Variants in KIAA1958 observed in about 807,000 individuals in gnomAD.
The protein encoded by KIAA1958 is uncharacterized protein KIAA1958.
KIAA1958 carries 14 observed loss-of-function variants against 47.2 expected under a neutral mutation model. The observed-to-expected ratio is 0.30, with a 90% CI of 0.20 to 0.46. The LOEUF is 0.46. Ranked by LOEUF, KIAA1958 falls within the 20% of genes least tolerant of loss-of-function variation. KIAA1958 has a pLI of 1.00. For synonymous variants in KIAA1958, 354 were observed against 353.3 expected, an observed-to-expected ratio of 1.00 and a Z score of -0.02; for missense variants, 803 against 909.2, an observed-to-expected ratio of 0.88 and a Z score of 1.50.
chr9:112,521,619 T>C (rs953020034), intron 1 of KIAA1958, among the ~76,000 whole-genome samples: 4 of 152,232 alleles, frequency 2.6e-5, no homozygotes, highest in African/African-American at 9.6e-5. Context: ...ATATGGCCTA[T>C]ATGATTTTTG....
At chr9:112,630,378 C>T (rs1490131870) in intron 2 of KIAA1958, among the ~76,000 whole-genome samples, 3 of 152,290 alleles carry the variant, frequency 2.0e-5, no homozygotes, top group Non-Finnish European at 2.9e-5. Context: ...GGCACAGTGG[C>T]AAATGCCTGT....
chr9:112,506,854 A>C (rs1315980185), intron 1 of KIAA1958, among the ~76,000 whole-genome samples: 1 of 152,162 alleles, frequency 6.6e-6, no homozygotes, highest in Non-Finnish European at 1.5e-5. Context: ...AATTCTGAAT[A>C]GAACCTGAGA....
intron 2 of KIAA1958, among the ~76,000 whole-genome samples, chr9:112,615,637 C>T (rs548130770): frequency 3.9e-4 from 59 of 152,276 alleles, no homozygotes; most frequent in African/African-American, 1.4e-3. Flanking sequence ...ATAACCCCTT[C>T]ATATGTCCTA....
intron 2 of KIAA1958, among the ~76,000 whole-genome samples, chr9:112,624,965 A>G (rs1476188553): frequency 6.6e-6 from 1 of 152,088 alleles, no homozygotes; most frequent in Admixed American, 6.6e-5. Flanking sequence ...GCGCAAGAAG[A>G]TAGAAATAGC....
intron 1 of KIAA1958, among the ~76,000 whole-genome samples, chr9:112,492,789 G>T (rs1429132242): frequency 2.0e-5 from 3 of 151,822 alleles, no homozygotes; most frequent in African/African-American, 7.3e-5. Context: ...TTTTTCTGTT[G>T]CCCAGGATGG....
intron 2 of KIAA1958, among the ~76,000 whole-genome samples, chr9:112,615,699 C>T (rs1836398048): frequency 6.6e-6 from 1 of 152,104 alleles, no homozygotes; most frequent in South Asian, 2.1e-4. Context: ...TGGTAGATTT[C>T]ATCTTTGTCA....
Position 112,574,386 on chromosome 9 carries a change from C to T in KIAA1958, c.306C>T (p.Tyr102=), listed in dbSNP as rs530225123. ...SETQTSPVER[Y]PGRPVKAKLD... ...CACAGACTAGCCCTGTTGAAAGGTA[C>T]CCTGGGAGACCAGTGAAAGCAAAGC... The change falls in exon 2 of 4, where the codon TAC becomes TAT. Residue 102 remains tyrosine (Y), a synonymous_variant. Transcript: ENST00000337530. 1.7e-5 allele frequency: 27 copies of T among 1,614,130 alleles called. No homozygotes were observed. The South Asian group carries it at 2.5e-4, about 15-fold the overall frequency.
chr9:112,574,815 C>T lies in KIAA1958; in HGVS notation c.735C>T (p.Ser245=). ...KPKPQTHAGP[S]CVGSAKLIPH... ...AGCCTCAGACTCACGCTGGTCCCTC[C>T]TGTGTAGGGTCTGCTAAACTGATTC... is the stretch of plus-strand genomic sequence containing the variant. The change falls in exon 2 of 4, where the codon TCC becomes TCT. Residue 245 remains serine (S), a synonymous_variant. Coordinates refer to ENST00000337530, the MANE Select transcript of KIAA1958 (RefSeq NM_133465.4). The T allele has an allele frequency of 6.2e-7, 1 of 1,614,192 alleles. No individual in the cohort carries two copies. The highest frequency in any genetic ancestry group is 8.5e-7 in the Non-Finnish European group (1 of 1,180,030).
chr9:112,635,542 T>C (rs1836791626), intron 2 of KIAA1958, among the ~76,000 whole-genome samples: 1 of 152,124 alleles, frequency 6.6e-6, no homozygotes, highest in Admixed American at 6.6e-5. Context: ...GTGAGCCACC[T>C]CATCTGGCCT....
chr9:112,614,220 T>C (rs1053774766), intron 2 of KIAA1958, among the ~76,000 whole-genome samples: 3 of 151,094 alleles, frequency 2.0e-5, no homozygotes, highest in African/African-American at 4.8e-5. Flanking sequence ...AACAAAACTA[T>C]GATGTTTCAA....
At chr9:112,580,160 G>T (rs555239503) in intron 2 of KIAA1958, among the ~76,000 whole-genome samples, 1 of 152,250 alleles carries the variant, frequency 6.6e-6, no homozygotes, top group Admixed American at 6.5e-5. Context: ...AAACTACATA[G>T]CTGAGTGTGA....
chr9:112,543,226 G>GTTTGT (rs112944046), intron 1 of KIAA1958, among the ~76,000 whole-genome samples: 27 of 151,006 alleles, frequency 1.8e-4, no homozygotes, highest in Middle Eastern at 3.4e-3. Context: ...TTTTGTTGTT[G>GTTTGT]TTGTTTGTTT....
rs914870656 is a variant in KIAA1958 at position 112,598,659 on chromosome 9, A to C, written c.1171+23408A>C. On this transcript the variant is annotated intron_variant, in intron 2 of 3. Transcript: ENST00000337530. ...AATATCCAGGCATTACTATGTTAAT[A>C]GTAGTTTTTCTCTTGGAACATGTCA... Among the ~76,000 whole-genome samples the C allele has an allele frequency of 2.0e-4, 31 of 152,228 alleles. 3 individuals carry two copies. The highest frequency in any genetic ancestry group is 2.1e-4 in the South Asian group (1 of 4,830).
intron 2 of KIAA1958, among the ~76,000 whole-genome samples, chr9:112,629,318 A>G (rs1389307861): frequency 6.6e-6 from 1 of 152,156 alleles, no homozygotes; most frequent in East Asian, 1.9e-4. Context: ...AATTTGATAG[A>G]TAGTTATTTT....
At chr9:112,586,520 C>G (rs1052826893) in intron 2 of KIAA1958, among the ~76,000 whole-genome samples, 7 of 151,980 alleles carry the variant, frequency 4.6e-5, no homozygotes, top group Non-Finnish European at 8.8e-5. Flanking sequence ...CTTGCAAATC[C>G]TATTTTAGTA....
intron 2 of KIAA1958, among the ~76,000 whole-genome samples, chr9:112,595,986 T>C (rs919685388): frequency 1.3e-5 from 2 of 152,050 alleles, no homozygotes; most frequent in African/African-American, 4.8e-5. Context: ...GGTTTCTCCA[T>C]GTTGGTCAGG....
At chr9:112,655,947 GAA>G (rs1218127173) in intron 3 of KIAA1958, among the ~76,000 whole-genome samples, 5 of 152,170 alleles carry the variant, frequency 3.3e-5, no homozygotes, top group Non-Finnish European at 7.3e-5. Context: ...GGTGTAAGTT[GAA>G]TAAGTACATA....
chr9:112,526,440 G>T (rs1310447592), intron 1 of KIAA1958, among the ~76,000 whole-genome samples: 3 of 151,696 alleles, frequency 2.0e-5, no homozygotes, highest in African/African-American at 7.3e-5. Context: ...TTTTAGTGGA[G>T]ATGGGGCTTT....
chr9:112,640,745 G>A (rs372386475), intron 2 of KIAA1958, among the ~76,000 whole-genome samples: 2 of 152,298 alleles, frequency 1.3e-5, no homozygotes, highest in Non-Finnish European at 1.5e-5. Context: ...ATTTGATTGT[G>A]TTCCAGTGAA....
Sources: allele counts gnomAD v4.1 joint callset (sites outside exome capture counted in the v4.1 genomes callset), GRCh38; gene constraint gnomAD v4.1.1; transcripts MANE v1.5; gene names NCBI Gene and HGNC (gene_info 2026-07-23, HGNC 2026-07-21).